ANGPT1: variants seen among roughly 807,000 people sequenced by gnomAD.
ANGPT1 encodes angiopoietin 1.
In ANGPT1, 17 loss-of-function variants were observed where a neutral mutation model predicts 62.2. The observed-to-expected ratio is 0.27, with a 90% CI of 0.19 to 0.41. The LOEUF is 0.41. ANGPT1 is among the 10% of genes least tolerant of loss of function. The pLI is 1.00. For missense variants in ANGPT1, 478 were observed against 594.9 expected (o/e 0.80, Z 2.04); for synonymous variants, 199 against 198.9 (o/e 1.00, Z 0.00).
chr8:107,442,928 T>G (rs1196005226), intron 1 of ANGPT1, among the ~76,000 whole-genome samples: 1 of 152,198 alleles, frequency 6.6e-6, no homozygotes, highest in Non-Finnish European at 1.5e-5. Flanking sequence ...TGGTAACACC[T>G]GCACAGTCTC....
chr8:107,403,332 G>C (rs185085058), intron 1 of ANGPT1, among the ~76,000 whole-genome samples: 13 of 152,140 alleles, frequency 8.5e-5, no homozygotes, highest in African/African-American at 3.1e-4. Context: ...AGCCAGTTTG[G>C]GGACTCATAC....
rs141108943 is a variant in ANGPT1 at position 107,371,734 on chromosome 8, G to A, written c.298-24637C>T. The stretch of plus-strand genomic sequence containing the variant: ...TGGGTTTACAGGCACCCACCAGCAG[G>A]CCTGTGGTGCCGGGCATTCTTATGC... On this transcript the variant is annotated intron_variant, in intron 1 of 8. Transcript: ENST00000517746. Among the ~76,000 whole-genome samples the A allele has an allele frequency of 2.8e-3, 428 of 151,986 alleles. 1 individual carries two copies. Among genetic ancestry groups the A allele is most frequent in the African/African-American group, 9.7e-3 (404 of 41,442 alleles).
At chr8:107,437,828 G>T (rs937699265) in intron 1 of ANGPT1, among the ~76,000 whole-genome samples, 1 of 150,466 alleles carries the variant, frequency 6.6e-6, no homozygotes, top group Non-Finnish European at 1.5e-5. Context: ...ATAAGAAAAA[G>T]AAAAAGAAAA....
At chr8:107,308,213 T>A (rs542130241) in intron 4 of ANGPT1, among the ~76,000 whole-genome samples, 1 of 136,302 alleles carries the variant, frequency 7.3e-6, no homozygotes, top group African/African-American at 2.4e-5. Flanking sequence ...AGATCTTCCA[T>A]GAACGCTATA....
intron 1 of ANGPT1, among the ~76,000 whole-genome samples, chr8:107,489,457 G>C (rs1005060293): frequency 6.6e-6 from 1 of 152,108 alleles, no homozygotes; most frequent in Non-Finnish European, 1.5e-5. Context: ...ACTGACAAAA[G>C]AAAAGATCTT....
intron 1 of ANGPT1, among the ~76,000 whole-genome samples, chr8:107,374,044 G>T (rs1034619005): frequency 3.9e-5 from 6 of 152,128 alleles, no homozygotes; most frequent in African/African-American, 1.4e-4. Context: ...TAAGAATATT[G>T]ACCTTAATTC....
intron 1 of ANGPT1, among the ~76,000 whole-genome samples, chr8:107,430,526 C>A (rs1465981700): frequency 6.6e-6 from 1 of 152,122 alleles, no homozygotes; most frequent in African/African-American, 2.4e-5. Flanking sequence ...AATAATGTCC[C>A]CCTTCTAAAC....
chr8:107,332,241 C>G (rs1472482446), intron 3 of ANGPT1, among the ~76,000 whole-genome samples: 1 of 152,098 alleles, frequency 6.6e-6, no homozygotes, highest in African/African-American at 2.4e-5. Flanking sequence ...ATTAATGTTT[C>G]CCATTTACTT....
At chr8:107,469,636 T>G (rs1483126848) in intron 1 of ANGPT1, among the ~76,000 whole-genome samples, 7 of 152,034 alleles carry the variant, frequency 4.6e-5, no homozygotes, top group Admixed American at 4.6e-4. Flanking sequence ...TATCATTAAT[T>G]ATGTCATCTT....
chr8:107,257,891 G>GTTTTTTTTTTTTTTTTT (rs1554576258), intron 8 of ANGPT1, among the ~76,000 whole-genome samples: 1 of 107,790 alleles, frequency 9.3e-6, no homozygotes, highest in Non-Finnish European at 1.9e-5. Flanking sequence ...TTTTTTGTTT[G>GTTTTTTTTTTTTTTTTT]TTTGTTTGTT....
intron 4 of ANGPT1, 126 bp downstream of exon 4, chr8:107,321,770 T>C: frequency 1.4e-6 from 1 of 711,070 alleles, no homozygotes. Context: ...TAAATGATTC[T>C]AACCATAAAG....
chr8:107,285,664 T>A (rs73701029), intron 6 of ANGPT1, among the ~76,000 whole-genome samples: 3,131 of 152,066 alleles, frequency 0.021, 46 homozygotes, highest in African/African-American at 0.036. Flanking sequence ...GAGAAAAAAG[T>A]GGTCCCAAAA....
chr8:107,391,565 G>A (rs1192705943), intron 1 of ANGPT1, among the ~76,000 whole-genome samples: 1 of 152,114 alleles, frequency 6.6e-6, no homozygotes, highest in Non-Finnish European at 1.5e-5. Context: ...TACTTGAGAG[G>A]CTGAGGCAGG....
At position 107,299,708 on chromosome 8, in the gene ANGPT1, T is replaced by TATATACTATATATATAGTTATATCTAG. The variant is rs1414965210; in HGVS notation, c.936+3505_936+3531dup. Among the ~76,000 whole-genome samples the TATATACTATATATATAGTTATATCTAG allele has an allele frequency of 5.4e-3, 700 of 129,550 alleles. 45 individuals are homozygous for TATATACTATATATATAGTTATATCTAG. The highest frequency in any genetic ancestry group is 0.017 in the African/African-American group (572 of 33,150). 85.0% of individuals were successfully genotyped at this position (129,550 alleles called of 152,430 possible). On this transcript the variant is annotated intron_variant, in intron 5 of 8. Transcript: ENST00000517746. ...TTTAGATACATACTATACTATACTA[T>TATATACTATATATATAGTTATATCTAG]ATATACTATATATATAGTTATATCT...
In ANGPT1 at chr8:107,251,506, T is replaced by G. The variant is rs188093726; in HGVS notation, c.*349A>C. The G allele has an allele frequency of 3.1e-3, 605 of 193,654 alleles. No homozygotes were observed. The highest frequency in any genetic ancestry group is 5.6e-3 in the Non-Finnish European group (520 of 93,058). The allele number at this position is 193,654 out of a possible 1,614,324, so 12.0% of individuals were successfully genotyped here. A position where few individuals can be genotyped will look rare whatever the true frequency, so the allele number is the denominator to read the frequency against. ...CTCTTTTTCACTCTTTTTTTCTGTT[T>G]TACATGAAATTAACCATATTTATCA... On this transcript the variant is annotated 3_prime_UTR_variant, in exon 9 of 9. Transcript: ENST00000517746.
chr8:107,322,232 A>G (rs1815171556), intron 3 of ANGPT1, 104 bp from the exon 4 acceptor site: 3 of 800,470 alleles, frequency 3.7e-6, no homozygotes, highest in Non-Finnish European at 5.8e-6. Context: ...GAAATTTTAC[A>G]TTTCACTGTA....
intron 1 of ANGPT1, among the ~76,000 whole-genome samples, chr8:107,483,637 AT>A (rs1186379510): frequency 6.6e-6 from 1 of 152,170 alleles, no homozygotes; most frequent in Non-Finnish European, 1.5e-5. Context: ...TCCCCAGAAT[AT>A]TACAAATAGT....
intron 1 of ANGPT1, among the ~76,000 whole-genome samples, chr8:107,438,867 G>T (rs1323907988): frequency 6.6e-6 from 1 of 151,970 alleles, no homozygotes; most frequent in Non-Finnish European, 1.5e-5. Context: ...ATGAGAGAAT[G>T]AATGTATGCT....
intron 1 of ANGPT1, among the ~76,000 whole-genome samples, chr8:107,427,881 G>C (rs1354012623): frequency 6.6e-6 from 1 of 152,190 alleles, no homozygotes; most frequent in Non-Finnish European, 1.5e-5. Context: ...TCCTAAAACA[G>C]AATGCTGAAA....
Sources: allele counts gnomAD v4.1 joint callset (sites outside exome capture counted in the v4.1 genomes callset), GRCh38; gene constraint gnomAD v4.1.1; transcripts MANE v1.5; gene names NCBI Gene and HGNC (gene_info 2026-07-23, HGNC 2026-07-21).